Variants in AURKB observed in about 807,000 individuals in gnomAD.
AURKB encodes aurora kinase B.
A neutral mutation model predicts 36.5 loss-of-function variants in AURKB; 28 were observed. That is an observed-to-expected ratio of 0.77 (90% CI 0.57 to 1.05). The LOEUF is 1.05. Among genes scored for constraint, AURKB ranks in the 50% least tolerant of loss-of-function variants. The pLI is 0.00. For synonymous variants in AURKB, 175 were observed against 172.9 expected, an observed-to-expected ratio of 1.01 and a Z score of -0.09; for missense variants, 383 against 447.4, an observed-to-expected ratio of 0.86 and a Z score of 1.30.
In AURKB at chr17:8,210,564, C is replaced by T. The variant is rs1273719562; in HGVS notation, c.-60G>A. ...AAGGCACTGCTACTCTCCCGGCCGC[C>T]CGCAAACAACTGAATCTGCCACGCC... On this transcript the variant is annotated 5_prime_UTR_variant, in exon 1 of 9. Coordinates refer to ENST00000585124, the MANE Select transcript of AURKB (RefSeq NM_004217.4). 5.4e-6 allele frequency: 2 copies of T among 372,400 alleles called. No homozygotes were observed. The highest frequency in any genetic ancestry group is 4.8e-5 in the Admixed American group (1 of 20,986). 23.1% of individuals were successfully genotyped at this position (372,400 alleles called of 1,614,324 possible).
chr17:8,206,795 C>T lies in AURKB; in HGVS notation c.492G>A (p.Lys164=). 1.2e-6 allele frequency: 2 copies of T among 1,614,226 alleles called. No individual in the cohort carries two copies. The highest frequency in any genetic ancestry group is 1.7e-6 in the Non-Finnish European group (2 of 1,180,044). ...CAAATGTGCAGCTCTTCTGCAGCTC[C>T]TTGTAGAGCTCCCCGCGGGGGGCAT... is the stretch of plus-strand genomic sequence containing the variant. ...LEYAPRGELY[K]ELQKSCTFDE... Residue 164 remains lysine (K), a synonymous_variant, in exon 6 of 9, where the codon AAG becomes AAA. Transcript: ENST00000585124. This position sits in a 1 kb window ranked among gnomAD's most constrained non-coding sequence, Gnocchi z 4.2.
In AURKB at chr17:8,205,228, G is replaced by A. The variant is rs763022553; in HGVS notation, c.849C>T (p.Arg283=). 6.2e-7 allele frequency: 1 copy of A among 1,613,314 alleles called. No individual in the cohort carries two copies. The highest frequency in any genetic ancestry group is 8.5e-7 in the Non-Finnish European group (1 of 1,179,538). The change falls in exon 8 of 9, where the codon CGC becomes CGT. Residue 283 remains arginine, a synonymous_variant. Transcript: ENST00000585124. Reference sequence around the variant, plus strand: ...GCCGCCCTCCCACCTTGACGATGCGGCGATAGGTCTCGTTGTGTGATGCAC... The same window carrying A: ...GCCGCCCTCCCACCTTGACGATGCGACGATAGGTCTCGTTGTGTGATGCAC... ...FESASHNETY[R]RIVKVDLKFP...
rs1454860641 is a variant in AURKB at position 8,205,020 on chromosome 17, C to T, written c.886G>A (p.Val296Met). Residue 296 changes from valine (V) to methionine (M), a missense_variant, in exon 9 of 9, where the codon GTG (valine) becomes ATG (methionine). Val to Met is a conservative substitution (Grantham distance 21, BLOSUM62 1). Coordinates refer to ENST00000585124, the MANE Select transcript of AURKB (RefSeq NM_004217.4). ...VKVDLKFPAS[V>M]PMGAQDLISK... is the part of the protein sequence containing the mutation. ...ATGAGGTCCTGGGCTCCCATGGGCACGGAAGCGGGGAACTTTAGGTCCACC... is the reference window on the plus strand; with the variant it reads ...ATGAGGTCCTGGGCTCCCATGGGCATGGAAGCGGGGAACTTTAGGTCCACC... The T allele has an allele frequency of 1.1e-5, 18 of 1,590,860 alleles. No homozygotes were observed. In the East Asian group the frequency reaches 1.6e-4, roughly 14 times the overall value.
In AURKB at chr17:8,206,408, G is replaced by C; in HGVS notation, c.686+83C>G. On this transcript the variant is annotated intron_variant, in intron 7 of 8. Transcript: ENST00000585124. The surrounding 1 kb of genome is among the most constrained non-coding windows in gnomAD (Gnocchi z 4.2). ...GGCCTCCCAAAGTGCTGGGATTACA[G>C]GTGTGAGCCACGGTGCACGGCCCCT... 6.4e-7 allele frequency: 1 copy of C among 1,553,652 alleles called. No individual in the cohort carries two copies. The highest frequency in any genetic ancestry group is 8.7e-7 in the Non-Finnish European group (1 of 1,142,898).
In AURKB at chr17:8,206,279, C is replaced by T. The variant is rs988524039; in HGVS notation, c.686+212G>A. Among the ~76,000 whole-genome samples the T allele has an allele frequency of 3.9e-5, 6 of 152,038 alleles. No homozygotes were observed. The highest frequency in any genetic ancestry group is 1.3e-4 in the Admixed American group (2 of 15,250). ...CCCAGTAGCTGGGATTACTGGCGTC[C>T]GCCACCATGGCCGGCTAATTTTTGT... On this transcript the variant is annotated intron_variant, in intron 7 of 8. Transcript: ENST00000585124. This position sits in a 1 kb window ranked among gnomAD's most constrained non-coding sequence, Gnocchi z 4.2.
rs1985405279 is a variant in AURKB, at chr17:8,207,005, T to G, written c.399-117A>C. The G allele has an allele frequency of 5.9e-6, 9 of 1,520,018 alleles. No individual in the cohort carries two copies. In the South Asian group the frequency reaches 1.1e-4, roughly 19 times the overall value. 94.2% of individuals were successfully genotyped at this position (1,520,018 alleles called of 1,614,324 possible). On this transcript the variant is annotated intron_variant, in intron 5 of 8. Transcript: ENST00000585124. ...CCGGGGACACCAGGGCTGGGAGTGG[T>G]AAGGGGAAACTGGAGGCAGATTTCT... is the stretch of plus-strand genomic sequence containing the variant.
chr17:8,205,216 C>A lies in AURKB; in HGVS notation c.861G>T (p.Lys287Asn). The change falls in exon 8 of 9, where the codon AAG (lysine) becomes AAT (asparagine). Residue 287 changes from lysine to asparagine, a missense_variant and splice_region_variant. Around this residue, in one of 3 missense-constraint regions of AURKB, gnomAD observed 219 missense variants for 252.6 expected, o/e 0.87. Coordinates refer to ENST00000585124, the MANE Select transcript of AURKB (RefSeq NM_004217.4). ...CACGAAGCCCAGGCCGCCCTCCCAC[C>A]TTGACGATGCGGCGATAGGTCTCGT... is the stretch of plus-strand genomic sequence containing the variant. ...SHNETYRRIV[K>N]VDLKFPASVP... 1 of 1,611,592 alleles carries A rather than the reference C, an allele frequency of 6.2e-7. No homozygotes were observed. Among genetic ancestry groups the A allele is most frequent in the Non-Finnish European group, 8.5e-7 (1 of 1,178,424 alleles).
In AURKB at chr17:8,206,974, C is replaced by A. The variant is rs775561733; in HGVS notation, c.399-86G>T. 7 of 1,591,548 alleles carry A rather than the reference C, an allele frequency of 4.4e-6. No homozygotes were observed. Among genetic ancestry groups the A allele is most frequent in the Non-Finnish European group, 5.1e-6 (6 of 1,169,930 alleles). ...AGGAGCAAACTGGGGTCAGACGTGG[C>A]CCAGGCCGGGGACACCAGGGCTGGG... On this transcript the variant is annotated intron_variant, in intron 5 of 8. Coordinates refer to ENST00000585124, the MANE Select transcript of AURKB (RefSeq NM_004217.4). This position sits in a 1 kb window ranked among gnomAD's most constrained non-coding sequence, Gnocchi z 4.2.
intron 2 of AURKB, 42 bp from the exon 3 acceptor site, chr17:8,207,882 G>A (rs1985574142): frequency 6.6e-7 from 1 of 1,510,182 alleles, no homozygotes; most frequent in Non-Finnish European, 9.0e-7. Flanking sequence ...GCCTTTGTCT[G>A]ATGACCGGGG....
At position 8,208,592 on chromosome 17, in the gene AURKB, A is replaced by AT. The variant is rs1373308377; in HGVS notation, c.49-753_49-752insA. Among the ~76,000 whole-genome samples the AT allele has an allele frequency of 1.3e-3, 158 of 124,712 alleles. 1 individual carries two copies. The highest frequency in any genetic ancestry group is 2.3e-3 in the Non-Finnish European group (133 of 58,744). The allele number at this position is 124,712 out of a possible 152,430, so 81.8% of individuals were successfully genotyped here. A position where few individuals can be genotyped will look rare whatever the true frequency, so the allele number is the denominator to read the frequency against. The stretch of plus-strand genomic sequence containing the variant: ...GGCAACACAGTGAGGCTCCGTCTCA[A>AT]AAAATAAATAAATAAATAAATAAAT... On this transcript the variant is annotated intron_variant, in intron 2 of 8. Coordinates refer to ENST00000585124, the MANE Select transcript of AURKB (RefSeq NM_004217.4).
In AURKB at chr17:8,206,710, G is replaced by A. The variant is rs1597347894; in HGVS notation, c.537+40C>T. On this transcript the variant is annotated intron_variant, in intron 6 of 8. Coordinates refer to ENST00000585124, the MANE Select transcript of AURKB (RefSeq NM_004217.4). This position sits in a 1 kb window ranked among gnomAD's most constrained non-coding sequence, Gnocchi z 4.2. ...CTACAAGCAGCACACCCTCAGCCTC[G>A]AGCCCCCTACTGGCGCCCCAGGTGC... The A allele has an allele frequency of 1.9e-6, 3 of 1,612,594 alleles. No individual in the cohort carries two copies. Among genetic ancestry groups the A allele is most frequent in the Non-Finnish European group, 2.5e-6 (3 of 1,179,076 alleles).
At chr17:8,209,720 A>G (rs1985853726) in intron 2 of AURKB, among the ~76,000 whole-genome samples, 1 of 152,238 alleles carries the variant, frequency 6.6e-6, no homozygotes, top group Admixed American at 6.6e-5. Flanking sequence ...AAATAAGTCA[A>G]TTTAGATCCA....
At chr17:8,209,845 GTTT>G in intron 2 of AURKB, 1 of 361,368 alleles carries the variant, frequency 2.8e-6, no homozygotes. Flanking sequence ...TTGCTGTCTA[GTTT>G]TTTTTTTTTC....
Position 8,207,254 on chromosome 17 carries a change from A to G in AURKB, c.320T>C (p.Val107Ala). ...KKSHFIVALK[V>A]LFKSQIEKEG... ...CTTCTCTATCTGGGACTTGAAGAGGACCTTGAGCGCCACGATGAAATGGCT... is the reference window on the plus strand; with the variant it reads ...CTTCTCTATCTGGGACTTGAAGAGGGCCTTGAGCGCCACGATGAAATGGCT... The change falls in exon 5 of 9, where the codon GTC becomes GCC. Residue 107 changes from valine (V) to alanine (A), a missense_variant. Physicochemically the swap from Val to Ala is moderately conservative, Grantham distance 64. Coordinates refer to ENST00000585124, the MANE Select transcript of AURKB (RefSeq NM_004217.4). The G allele has an allele frequency of 1.2e-6, 2 of 1,614,076 alleles. No individual in the cohort carries two copies. Among genetic ancestry groups the G allele is most frequent in the Non-Finnish European group, 1.7e-6 (2 of 1,180,012 alleles).
At position 8,207,288 on chromosome 17, in the gene AURKB, C is replaced by T; in HGVS notation, c.286G>A (p.Glu96Lys). 6.2e-7 allele frequency: 1 copy of T among 1,614,134 alleles called. No homozygotes were observed. The highest frequency in any genetic ancestry group is 8.5e-7 in the Non-Finnish European group (1 of 1,180,026). The change falls in exon 5 of 9, where the codon GAG becomes AAG. Residue 96 changes from glutamate (E) to lysine (K), a missense_variant. Coordinates refer to ENST00000585124, the MANE Select transcript of AURKB (RefSeq NM_004217.4). Reference protein sequence around the residue: ...GKFGNVYLAREKKSHFIVALK... With the variant: ...GKFGNVYLARKKKSHFIVALK... ...GCCACGATGAAATGGCTTTTCTTCT[C>T]CCGAGCCAAGTACACGTTTCCAAAC...
chr17:8,205,144 AC>A, intron 8 of AURKB, 71 bp downstream of exon 8: 1 of 1,551,162 alleles, frequency 6.4e-7, no homozygotes, highest in Non-Finnish European at 8.7e-7. Context: ...CCATGCAAAT[AC>A]ACTCTGCCCA....
intron 1 of AURKB, 22 bp downstream of exon 1, chr17:8,210,508 C>G (rs1985961374): frequency 4.1e-6 from 2 of 483,808 alleles, no homozygotes; most frequent in Non-Finnish European, 7.3e-6. Flanking sequence ...GGCGCAAGGC[C>G]TGCGACAGGA....
intron 7 of AURKB, among the ~76,000 whole-genome samples, chr17:8,205,773 C>CT (rs540776840): frequency 0.013 from 1,981 of 152,152 alleles, 42 homozygotes; most frequent in African/African-American, 0.044. Context: ...CTGCTCCGGG[C>CT]TTTTTTTGAG....
chr17:8,210,081 T>G (rs1048905967), intron 2 of AURKB, 96 bp downstream of exon 2: 19 of 1,482,604 alleles, frequency 1.3e-5, no homozygotes, highest in South Asian at 1.3e-4. Flanking sequence ...GGGAAGAAAG[T>G]GCTTAAAGGA....
Sources: gnomAD v4.1 joint callset for allele counts (sites outside exome capture counted in the v4.1 genomes callset) on GRCh38, gnomAD v4.1.1 for gene constraint, gnomAD v4.1.1 regional missense constraint, Gnocchi (gnomAD v3.1) non-coding constraint, MANE v1.5 for transcripts, NCBI Gene and HGNC (gene_info 2026-07-23, HGNC 2026-07-21) for gene names.